The following TAGLN2 variants were observed in gnomAD, a reference collection of about 807,000 sequenced individuals.
The protein encoded by TAGLN2 is transgelin 2.
TAGLN2 carries 14 observed loss-of-function variants against 24.9 expected under a neutral mutation model. The ratio of observed to expected loss-of-function variants is 0.56; its 90% confidence interval spans 0.37 to 0.88. The LOEUF (loss-of-function observed/expected upper bound fraction) is 0.88. Among genes scored for constraint, TAGLN2 ranks in the 40% least tolerant of loss-of-function variants. The probability of loss-of-function intolerance (pLI) is 0.00; values close to 1 mark genes in which losing one functional copy is unlikely to be tolerated. For missense variants in TAGLN2, 208 were observed against 258.9 expected (o/e 0.80, Z 1.35); for synonymous variants, 77 against 98.2 (o/e 0.78, Z 1.28).
intron 1 of TAGLN2, chr1:159,923,555 G>T (rs916686470): frequency 7.1e-7 from 1 of 1,403,146 alleles, no homozygotes; most frequent in African/African-American, 1.4e-5. Context: ...CCGTGCAGAT[G>T]GAACACAGGA....
intron 3 of TAGLN2, 60 bp downstream of exon 3, chr1:159,919,601 G>C: frequency 6.3e-7 from 1 of 1,588,554 alleles, no homozygotes; most frequent in Non-Finnish European, 8.6e-7. Flanking sequence ...CTGGTCAAGA[G>C]GGCCCAGCCC....
chr1:159,918,627 G>C lies in TAGLN2; in HGVS notation c.*173C>G, dbSNP rs1428823016. ...GGGAAGGGAATGTATTAGTAAGCATGGGGGAGAGGATGCCAGCAGGCACCT... is the reference window on the plus strand; with the variant it reads ...GGGAAGGGAATGTATTAGTAAGCATCGGGGAGAGGATGCCAGCAGGCACCT... On this transcript the variant is annotated 3_prime_UTR_variant, in exon 5 of 5. Transcript: ENST00000368097. 3.5e-6 allele frequency: 3 copies of C among 854,272 alleles called. No individual in the cohort carries two copies. The highest frequency in any genetic ancestry group is 1.7e-5 in the African/African-American group (1 of 58,904). 52.9% of individuals were successfully genotyped at this position (854,272 alleles called of 1,614,324 possible). A position where few individuals can be genotyped will look rare whatever the true frequency, so the allele number is the denominator to read the frequency against.
chr1:159,918,494 A>C lies in TAGLN2; in HGVS notation c.*306T>G. On this transcript the variant is annotated 3_prime_UTR_variant, in exon 5 of 5. Transcript: ENST00000368097. ...TCAGAGACAGAACAGGCCAGGGGGA[A>C]GAAGGAGAGACAGAATAGGCCAGGG... is the stretch of plus-strand genomic sequence containing the variant. 3.3e-6 allele frequency: 1 copy of C among 302,812 alleles called. No homozygotes were observed. Among genetic ancestry groups the C allele is most frequent in the Non-Finnish European group, 6.2e-6 (1 of 160,808 alleles). 18.8% of individuals were successfully genotyped at this position (302,812 alleles called of 1,614,324 possible).
rs1027057089 is a variant in TAGLN2 at position 159,918,155 on chromosome 1, C to T, written c.*645G>A. The T allele has an allele frequency of 4.6e-5, 7 of 152,308 alleles. No individual in the cohort carries two copies. Among genetic ancestry groups the T allele is most frequent in the African/African-American group, 1.7e-4 (7 of 41,450 alleles). The allele number at this position is 152,308 out of a possible 1,614,324, so 9.4% of individuals were successfully genotyped here. On this transcript the variant is annotated 3_prime_UTR_variant, in exon 5 of 5. Coordinates refer to ENST00000368097, the MANE Select transcript of TAGLN2 (RefSeq NM_003564.3). ...TTATTTAAATCAACAAACTCATCTTCCTCAAGCCCCAGACCATGGTAGGCA... is the reference window on the plus strand; with the variant it reads ...TTATTTAAATCAACAAACTCATCTTTCTCAAGCCCCAGACCATGGTAGGCA...
At chr1:159,923,633 A>G (rs1006759675) in intron 1 of TAGLN2, 1 of 641,124 alleles carries the variant, frequency 1.6e-6, no homozygotes, top group Non-Finnish European at 2.5e-6. Flanking sequence ...GCACCAGCCC[A>G]CAGAGCGAGG....
intron 3 of TAGLN2, 111 bp downstream of exon 3, chr1:159,919,550 C>A: frequency 7.1e-7 from 1 of 1,405,344 alleles, no homozygotes. Flanking sequence ...ACAAACACAC[C>A]CCTCTTTCTC....
At chr1:159,919,408 C>G (rs746371871) in intron 3 of TAGLN2, 32 bp from the exon 4 acceptor site, 1 of 1,605,274 alleles carries the variant, frequency 6.2e-7, no homozygotes, top group African/African-American at 1.3e-5. Context: ...TGTCAGCCTC[C>G]GCAGTGTCCT....
chr1:159,921,620 T>G (rs970710504), intron 1 of TAGLN2, among the ~76,000 whole-genome samples: 1 of 152,194 alleles, frequency 6.6e-6, no homozygotes, highest in Non-Finnish European at 1.5e-5. Flanking sequence ...ACAGCAGAAA[T>G]AGGAAACTAA....
chr1:159,920,714 A>G (rs1557925469), intron 1 of TAGLN2, 177 bp from the exon 2 acceptor site: 2 of 836,650 alleles, frequency 2.4e-6, no homozygotes, highest in Non-Finnish European at 2.9e-6. Flanking sequence ...AAAGAGAATG[A>G]TTTGGGGAGA....
chr1:159,920,470 C>T lies in TAGLN2; in HGVS notation c.40G>A (p.Val14Met), dbSNP rs772601440. ...TATTGTTTCTCAATCTTCTGCTGCA[C>T]CTCCCGGCTCAGGCCATATGCAGGT... ...RGPAYGLSRE[V>M]QQKIEKQYDA... is the part of the protein sequence containing the mutation. The change falls in exon 2 of 5, where the codon GTG (valine) becomes ATG (methionine). Residue 14 changes from valine (V) to methionine (M), a missense_variant. Coordinates refer to ENST00000368097, the MANE Select transcript of TAGLN2 (RefSeq NM_003564.3). 1 of 1,614,276 alleles carries T rather than the reference C, an allele frequency of 6.2e-7. No individual in the cohort carries two copies. The highest frequency in any genetic ancestry group is 8.5e-7 in the Non-Finnish European group (1 of 1,180,046).
Position 159,919,777 on chromosome 1 carries a change from A to C in TAGLN2, c.239T>G (p.Ile80Ser). 1 of 1,614,032 alleles carries C rather than the reference A, an allele frequency of 6.2e-7. No homozygotes were observed. The highest frequency in any genetic ancestry group is 8.5e-7 in the Non-Finnish European group (1 of 1,179,986). The change falls in exon 3 of 5, where the codon ATC (isoleucine) becomes AGC (serine). Residue 80 changes from isoleucine (I) to serine (S), a missense_variant. Physicochemically the swap from Ile to Ser is moderately radical, Grantham distance 142. Coordinates refer to ENST00000368097, the MANE Select transcript of TAGLN2 (RefSeq NM_003564.3). The part of the protein sequence containing the change: ...YPEGQAPVKK[I>S]QASTMAFKQM... ...CTTGAAGGCCATGGTGGAGGCCTGGATCTTCTTTACTGGGGCCTGCCCCTC... is the reference window on the plus strand; with the variant it reads ...CTTGAAGGCCATGGTGGAGGCCTGGCTCTTCTTTACTGGGGCCTGCCCCTC...
At chr1:159,922,700 G>A (rs771687149) in intron 1 of TAGLN2, among the ~76,000 whole-genome samples, 1 of 152,280 alleles carries the variant, frequency 6.6e-6, no homozygotes, top group South Asian at 2.1e-4. Context: ...CCTGAGGCTC[G>A]GGGATCACCA....
At chr1:159,921,762 T>C (rs1650539025) in intron 1 of TAGLN2, among the ~76,000 whole-genome samples, 2 of 152,338 alleles carry the variant, frequency 1.3e-5, no homozygotes, top group South Asian at 4.1e-4. Flanking sequence ...TCCCGACCAA[T>C]GGCCTGAGTT....
Position 159,923,027 on chromosome 1 carries a change from C to G in TAGLN2, c.-29+2423G>C, listed in dbSNP as rs577010076. On this transcript the variant is annotated intron_variant, in intron 1 of 4. Coordinates refer to ENST00000368097, the MANE Select transcript of TAGLN2 (RefSeq NM_003564.3). ...GGTCCTGAGAAGGGGCAGTTCCAAC[C>G]AGGCCAGGCCTGGTCAGCAGCTGTT... Among the ~76,000 whole-genome samples, 74 of 152,356 alleles carry G rather than the reference C, an allele frequency of 4.9e-4. 2 individuals are homozygous for G. The South Asian group carries it at 0.014, about 29-fold the overall frequency.
Position 159,918,808 on chromosome 1 carries a change from T to C in TAGLN2, c.592A>G (p.Ile198Val), listed in dbSNP as rs773234892. 1.1e-5 allele frequency: 18 copies of C among 1,614,002 alleles called. No homozygotes were observed. The highest frequency in any genetic ancestry group is 1.4e-5 in the Non-Finnish European group (17 of 1,179,970). Residue 198 changes from isoleucine (I) to valine (V), a missense_variant, in exon 5 of 5, where the codon ATC becomes GTC. Physicochemically the swap from Ile to Val is conservative, Grantham distance 29. Coordinates refer to ENST00000368097, the MANE Select transcript of TAGLN2 (RefSeq NM_003564.3). Reference protein sequence around the residue: ...GMTGYGMPRQIL With the variant: ...GMTGYGMPRQVL ...CAAGGCCTGGGGTGGGATCAGAGGA[T>C]CTGGCGTGGCATCCCGTAGCCAGTC...
Position 159,918,613 on chromosome 1 carries a change from G to C in TAGLN2, c.*187C>G, listed in dbSNP as rs562868802. 1 of 777,044 alleles carries C rather than the reference G, an allele frequency of 1.3e-6. No individual in the cohort carries two copies. The highest frequency in any genetic ancestry group is 2.0e-6 in the Non-Finnish European group (1 of 494,290). The allele number at this position is 777,044 out of a possible 1,614,324, so 48.1% of individuals were successfully genotyped here. On this transcript the variant is annotated 3_prime_UTR_variant, in exon 5 of 5. Transcript: ENST00000368097. The stretch of plus-strand genomic sequence containing the variant: ...TTTTGATGGCTATGGGGAAGGGAAT[G>C]TATTAGTAAGCATGGGGGAGAGGAT...
chr1:159,920,104 C>T, intron 2 of TAGLN2: 2 of 797,018 alleles, frequency 2.5e-6, no homozygotes, highest in South Asian at 1.4e-5. Flanking sequence ...TCAGTGTCAC[C>T]TCAGTCTTCC....
chr1:159,918,558 C>T lies in TAGLN2; in HGVS notation c.*242G>A. ...GACTGAGGCCCCTAAATTTTGGTCC[C>T]AGGGGAAAGGAAGAGGCCAGTTGGT... On this transcript the variant is annotated 3_prime_UTR_variant, in exon 5 of 5. Transcript: ENST00000368097. 1 of 499,014 alleles carries T rather than the reference C, an allele frequency of 2.0e-6. No homozygotes were observed. The highest frequency in any genetic ancestry group is 3.5e-5 in the East Asian group (1 of 28,848). The allele number at this position is 499,014 out of a possible 1,614,324, so 30.9% of individuals were successfully genotyped here.
chr1:159,919,101 G>A, intron 4 of TAGLN2, 160 bp from the exon 5 acceptor site: 1 of 1,299,436 alleles, frequency 7.7e-7, no homozygotes, highest in African/African-American at 1.5e-5. Context: ...TCTGTCCAAA[G>A]GGACAGTCAT....
Sources: allele counts gnomAD v4.1 joint callset (sites outside exome capture counted in the v4.1 genomes callset), GRCh38; gene constraint gnomAD v4.1.1; transcripts MANE v1.5; gene names NCBI Gene and HGNC (gene_info 2026-07-23, HGNC 2026-07-21).